ADAM23: variants seen among roughly 807,000 people sequenced by gnomAD.
ADAM23 encodes ADAM metallopeptidase domain 23.
ADAM23 carries 33 observed loss-of-function variants against 120.1 expected under a neutral mutation model. The observed-to-expected ratio is 0.27, with a 90% CI of 0.21 to 0.37. The LOEUF is 0.37. ADAM23 is among the 10% of genes least tolerant of loss of function. ADAM23 has a pLI of 1.00. For missense variants in ADAM23, 862 were observed against 1,058.2 expected, an observed-to-expected ratio of 0.81 and a Z score of 2.57; for synonymous variants, 367 against 375.2, an observed-to-expected ratio of 0.98 and a Z score of 0.25.
intron 9 of ADAM23, among the ~76,000 whole-genome samples, chr2:206,552,504 A>G (rs893646810): frequency 6.6e-6 from 1 of 152,144 alleles, no homozygotes; most frequent in Non-Finnish European, 1.5e-5. Context: ...ATTCTTATGA[A>G]TAATAAAATA....
At chr2:206,448,916 A>T (rs1695136768) in intron 2 of ADAM23, among the ~76,000 whole-genome samples, 1 of 152,214 alleles carries the variant, frequency 6.6e-6, no homozygotes, top group Non-Finnish European at 1.5e-5. Context: ...CTAGCAAATT[A>T]ATTTAAGGGA....
rs1213524584 is a variant in ADAM23, at chr2:206,550,856, C to G, written c.933+696C>G. 2.6e-5 allele frequency among the ~76,000 whole-genome samples: 4 copies of G among 152,328 alleles called. No homozygotes were observed. In the East Asian group the frequency reaches 7.7e-4, roughly 29 times the overall value. ...GACCTCGTGATCCGCCTGCCTCGGC[C>G]TCCCAAAGTGCTGGGATTACAGGCG... On this transcript the variant is annotated intron_variant, in intron 9 of 25. Transcript: ENST00000264377.
At position 206,594,778 on chromosome 2, in the gene ADAM23, A is replaced by C; in HGVS notation, c.2120A>C (p.Tyr707Ser). 1 of 1,614,232 alleles carries C rather than the reference A, an allele frequency of 6.2e-7. No individual in the cohort carries two copies. The highest frequency in any genetic ancestry group is 8.5e-7 in the Non-Finnish European group (1 of 1,180,044). Residue 707 changes from tyrosine to serine, a missense_variant, in exon 23 of 26, where the codon TAT becomes TCT. Physicochemically the swap from Tyr to Ser is moderately radical, Grantham distance 144. Around this residue, in one of 4 missense-constraint regions of ADAM23, gnomAD observed 617 missense variants for 813.5 expected, o/e 0.76. Coordinates refer to ENST00000264377, the MANE Select transcript of ADAM23 (RefSeq NM_003812.4). ...VVLDDDTDVGYVEDGTPCGPS... is the reference protein window; with the variant it reads ...VVLDDDTDVGSVEDGTPCGPS... ...TTAGATGATGATACGGATGTGGGCTATGTAGAAGATGGAACGCCATGTGGC... is the reference window on the plus strand; with the variant it reads ...TTAGATGATGATACGGATGTGGGCTCTGTAGAAGATGGAACGCCATGTGGC...
chr2:206,455,711 A>G lies in ADAM23; in HGVS notation c.432+10187A>G, dbSNP rs554519454. Among the ~76,000 whole-genome samples, 150 of 152,288 alleles carry G rather than the reference A, an allele frequency of 9.8e-4. 1 individual carries two copies. In the South Asian group the frequency reaches 0.031, roughly 31 times the overall value. ...TGAAATTTCTTCCACAAGATACCCT[A>G]AATCATCTCTCAATTTCAGTGTTCC... On this transcript the variant is annotated intron_variant, in intron 2 of 25. Coordinates refer to ENST00000264377, the MANE Select transcript of ADAM23 (RefSeq NM_003812.4).
At position 206,517,596 on chromosome 2, in the gene ADAM23, C is replaced by T. The variant is rs186750101; in HGVS notation, c.510-13289C>T. ...TCTAGTGTCCACAGGCTGGTATGAT[C>T]TCTAGCCTTTATAGGCATTTCTCTT... On this transcript the variant is annotated intron_variant, in intron 3 of 25. Coordinates refer to ENST00000264377, the MANE Select transcript of ADAM23 (RefSeq NM_003812.4). 1.6e-4 allele frequency among the ~76,000 whole-genome samples: 25 copies of T among 152,226 alleles called. No individual in the cohort carries two copies. The East Asian group carries it at 4.8e-3, about 29-fold the overall frequency.
chr2:206,471,951 A>G (rs1695668351), intron 2 of ADAM23, among the ~76,000 whole-genome samples: 1 of 152,242 alleles, frequency 6.6e-6, no homozygotes, highest in Non-Finnish European at 1.5e-5. Context: ...TTAAATAGCA[A>G]GTGCTCCAAA....
rs576157842 is a variant in ADAM23 at position 206,443,535 on chromosome 2, C to G, written c.-332C>G. The G allele has an allele frequency of 6.8e-6, 1 of 147,906 alleles. No homozygotes were observed. Among genetic ancestry groups the G allele is most frequent in the South Asian group, 2.1e-4 (1 of 4,824 alleles). The allele number at this position is 147,906 out of a possible 1,614,324, so 9.2% of individuals were successfully genotyped here. On this transcript the variant is annotated 5_prime_UTR_variant, in exon 1 of 26. Transcript: ENST00000264377. ...CGCTCCCGCGCGCCGCCTCAGCATC[C>G]TCAGGCCCGGCGGCAGCCCCCGCAG...
intron 3 of ADAM23, among the ~76,000 whole-genome samples, chr2:206,503,794 C>T (rs891195888): frequency 6.6e-6 from 1 of 152,112 alleles, no homozygotes; most frequent in Non-Finnish European, 1.5e-5. Context: ...GATTTGTGAA[C>T]AGTCTGTTAT....
chr2:206,573,753 CA>C (rs1369828493), intron 18 of ADAM23, among the ~76,000 whole-genome samples: 1 of 151,948 alleles, frequency 6.6e-6, no homozygotes. Context: ...GGCAGGCTTT[CA>C]GTCACCACTT....
chr2:206,598,750 A>G (rs1435743517), intron 24 of ADAM23, among the ~76,000 whole-genome samples: 1 of 151,634 alleles, frequency 6.6e-6, no homozygotes, highest in South Asian at 2.1e-4. Context: ...AAATACAAAA[A>G]TTAGCCAGAC....
intron 9 of ADAM23, among the ~76,000 whole-genome samples, chr2:206,551,371 A>T (rs886351002): frequency 2.0e-5 from 3 of 152,192 alleles, no homozygotes; most frequent in Non-Finnish European, 4.4e-5. Context: ...GGCCAATTGT[A>T]ATCTCTGTTG....
intron 13 of ADAM23, among the ~76,000 whole-genome samples, chr2:206,564,539 A>G (rs1409861224): frequency 1.3e-5 from 2 of 152,226 alleles, no homozygotes; most frequent in African/African-American, 2.4e-5. Context: ...CACAGCACAT[A>G]GGTACACCGT....
chr2:206,535,147 G>C (rs1697144874), intron 4 of ADAM23, among the ~76,000 whole-genome samples: 1 of 152,060 alleles, frequency 6.6e-6, no homozygotes, highest in Admixed American at 6.5e-5. Context: ...AGGCCTATTA[G>C]ATTCTCAACT....
rs1428084346 is a variant in ADAM23, at chr2:206,557,419, C to G, written c.934-8C>G. The G allele has an allele frequency of 1.9e-6, 3 of 1,610,578 alleles. No homozygotes were observed. The highest frequency in any genetic ancestry group is 2.5e-6 in the Non-Finnish European group (3 of 1,177,034). ...TTTGGCAGTGACTGGTATGTATTTC[C>G]CCCCTAGTATAAGAAGCATCGCTCT... is the stretch of plus-strand genomic sequence containing the variant. On this transcript the variant is annotated splice_region_variant and splice_polypyrimidine_tract_variant and intron_variant, in intron 9 of 25. Coordinates refer to ENST00000264377, the MANE Select transcript of ADAM23 (RefSeq NM_003812.4).
At chr2:206,538,901 A>G (rs761149831) in intron 4 of ADAM23, among the ~76,000 whole-genome samples, 1 of 152,214 alleles carries the variant, frequency 6.6e-6, no homozygotes, top group African/African-American at 2.4e-5. Flanking sequence ...GGCATGAGCC[A>G]TGATGCCTGT....
chr2:206,586,184 T>G (rs2105844209), intron 18 of ADAM23, among the ~76,000 whole-genome samples: 1 of 152,346 alleles, frequency 6.6e-6, no homozygotes, highest in East Asian at 1.9e-4. Context: ...CAGATCATGT[T>G]GAGCTTGGAA....
Position 206,451,738 on chromosome 2 carries a change from G to A in ADAM23, c.432+6214G>A, listed in dbSNP as rs568374194. Among the ~76,000 whole-genome samples the A allele has an allele frequency of 2.0e-5, 3 of 152,274 alleles. No homozygotes were observed. In the East Asian group the frequency reaches 5.8e-4, roughly 29 times the overall value. ...CAGAGCTCATGCTGAAGAGAGGTAG[G>A]GTGTATTGGGAGTGGCAGGAAGTGA... On this transcript the variant is annotated intron_variant, in intron 2 of 25. Coordinates refer to ENST00000264377, the MANE Select transcript of ADAM23 (RefSeq NM_003812.4).
At position 206,587,317 on chromosome 2, in the gene ADAM23, T is replaced by C. The variant is rs1262989326; in HGVS notation, c.1738-8T>C. On this transcript the variant is annotated splice_region_variant and splice_polypyrimidine_tract_variant and intron_variant, in intron 18 of 25. Coordinates refer to ENST00000264377, the MANE Select transcript of ADAM23 (RefSeq NM_003812.4). ...CTGAATATTAACTAAAAAGATAATA[T>C]TTTGCAGTGCCCACCAAATCTTCAT... 3.7e-6 allele frequency: 6 copies of C among 1,601,676 alleles called. No homozygotes were observed. In the South Asian group the frequency reaches 6.7e-5, roughly 18 times the overall value.
rs374524658 is a variant in ADAM23, at chr2:206,477,897, A to AAATATAT, written c.433-3334_433-3333insATATATA. Reference sequence around the variant, plus strand: ...TATTCTGTTAAAAAAAAAAAAAAAAAATATATATATATATATATATATATA... The same window carrying AAATATAT: ...TATTCTGTTAAAAAAAAAAAAAAAAAAATATATATATATATATATATATATATATATA... On this transcript the variant is annotated intron_variant, in intron 2 of 25. Transcript: ENST00000264377. Among the ~76,000 whole-genome samples, 66 of 93,566 alleles carry AAATATAT rather than the reference A, an allele frequency of 7.1e-4. 1 individual carries two copies. The highest frequency in any genetic ancestry group is 3.1e-3 in the African/African-American group (61 of 19,386). 61.4% of individuals were successfully genotyped at this position (93,566 alleles called of 152,430 possible). A position where few individuals can be genotyped will look rare whatever the true frequency, so the allele number is the denominator to read the frequency against.
Sources: allele counts gnomAD v4.1 joint callset (sites outside exome capture counted in the v4.1 genomes callset), GRCh38; gene constraint gnomAD v4.1.1; regional missense constraint gnomAD v4.1.1; transcripts MANE v1.5; gene names NCBI Gene and HGNC (gene_info 2026-07-23, HGNC 2026-07-21).